Variants in AEBP2 observed in about 807,000 individuals in gnomAD.
The protein encoded by AEBP2 is zinc finger protein AEBP2.
A neutral mutation model predicts 50.8 loss-of-function variants in AEBP2; 10 were observed. The ratio of observed to expected loss-of-function variants is 0.20; its 90% CI spans 0.12 to 0.33. AEBP2 has a LOEUF of 0.33. Among genes scored for constraint, AEBP2 ranks in the 10% least tolerant of loss-of-function variants. AEBP2 has a pLI of 1.00. For synonymous variants in AEBP2, 296 were observed against 261.3 expected (o/e 1.13, Z -1.28); for missense variants, 570 against 688.0 (o/e 0.83, Z 1.92).
chr12:19,449,537 T>C (rs1317187713), intron 1 of AEBP2, among the ~76,000 whole-genome samples: 1 of 152,250 alleles, frequency 6.6e-6, no homozygotes, highest in African/African-American at 2.4e-5. Flanking sequence ...ATAGACTATA[T>C]TTCATCATTG....
At chr12:19,468,921 C>CA (rs1210240187) in intron 2 of AEBP2, among the ~76,000 whole-genome samples, 1 of 152,088 alleles carries the variant, frequency 6.6e-6, no homozygotes, top group Non-Finnish European at 1.5e-5. Flanking sequence ...TTTAGCAGTC[C>CA]AAAAATATAT....
At chr12:19,487,756 T>C (rs1948832546) in intron 3 of AEBP2, among the ~76,000 whole-genome samples, 1 of 152,016 alleles carries the variant, frequency 6.6e-6, no homozygotes, top group African/African-American at 2.4e-5. Flanking sequence ...AAAGGGAGCA[T>C]TTAAAAAAGT....
At chr12:19,471,599 T>C (rs934476871) in intron 2 of AEBP2, among the ~76,000 whole-genome samples, 2 of 152,090 alleles carry the variant, frequency 1.3e-5, no homozygotes, top group East Asian at 3.9e-4. Flanking sequence ...TCTCTTGGAC[T>C]TAAGCAATCA....
At chr12:19,440,509 A>C in intron 1 of AEBP2, 139 bp downstream of exon 1, 2 of 1,398,022 alleles carry the variant, frequency 1.4e-6, no homozygotes, top group Non-Finnish European at 1.9e-6. Context: ...TCAACTCGGA[A>C]ATCTCTCGCC....
At chr12:19,432,306 T>C (rs978333853) in intron 1 of AEBP2, among the ~76,000 whole-genome samples, 1 of 152,120 alleles carries the variant, frequency 6.6e-6, no homozygotes, top group Non-Finnish European at 1.5e-5. Context: ...AAAAACCATA[T>C]GATATTGGGC....
At chr12:19,408,051 CAA>C (rs111495452) in intron 1 of AEBP2, among the ~76,000 whole-genome samples, 7 of 138,196 alleles carry the variant, frequency 5.1e-5, no homozygotes, top group Admixed American at 7.3e-5. Context: ...AACTCTGTCT[CAA>C]AAAAAAAAAA....
intron 6 of AEBP2, among the ~76,000 whole-genome samples, 171 bp downstream of exon 6, chr12:19,512,636 C>T (rs1439257284): frequency 6.6e-6 from 1 of 151,536 alleles, no homozygotes; most frequent in Non-Finnish European, 1.5e-5. Context: ...CTATCAGGTT[C>T]ACGTTTTACG....
intron 2 of AEBP2, among the ~76,000 whole-genome samples, chr12:19,471,782 C>T (rs1167338330): frequency 3.3e-5 from 5 of 152,008 alleles, no homozygotes; most frequent in East Asian, 1.9e-4. Flanking sequence ...CCCCCTACCT[C>T]GGTCTCCCAA....
chr12:19,502,766 A>AGC (rs1262518182), intron 5 of AEBP2, among the ~76,000 whole-genome samples: 2 of 151,528 alleles, frequency 1.3e-5, no homozygotes, highest in African/African-American at 4.8e-5. Flanking sequence ...CTTGTGCCTC[A>AGC]GCCTCCCAAG....
At chr12:19,457,233 C>G in intron 1 of AEBP2, 2 of 1,598,224 alleles carry the variant, frequency 1.3e-6, no homozygotes. Context: ...GGGCATGCTC[C>G]TAGGTTTGTC....
chr12:19,470,016 A>C (rs1357283126), intron 2 of AEBP2, among the ~76,000 whole-genome samples: 1 of 152,144 alleles, frequency 6.6e-6, no homozygotes. Context: ...TGTTTTTCAG[A>C]TATTATACGT....
At chr12:19,491,349 A>T (rs987982457) in intron 3 of AEBP2, among the ~76,000 whole-genome samples, 1 of 152,172 alleles carries the variant, frequency 6.6e-6, no homozygotes. Context: ...TTTCAGAGCA[A>T]TGAATATGGC....
At chr12:19,500,264 C>CA (rs759265003) in intron 5 of AEBP2, 43 bp downstream of exon 5, 10 of 1,364,672 alleles carry the variant, frequency 7.3e-6, no homozygotes, top group South Asian at 3.3e-5. Flanking sequence ...TAAAACTTTG[C>CA]AAAAAAATAT....
chr12:19,415,394 GCA>G (rs2095741988), intron 1 of AEBP2, among the ~76,000 whole-genome samples: 1 of 120,532 alleles, frequency 8.3e-6, no homozygotes, highest in Non-Finnish European at 1.7e-5. Context: ...ATTAAAAAGT[GCA>G]CAGTCTAGGG....
intron 4 of AEBP2, among the ~76,000 whole-genome samples, chr12:19,498,101 G>A (rs1949014304): frequency 6.6e-6 from 1 of 152,154 alleles, no homozygotes; most frequent in Non-Finnish European, 1.5e-5. Context: ...GAATTTAAGT[G>A]ATGGCTTCAA....
chr12:19,410,215 T>A (rs920818611), intron 1 of AEBP2, among the ~76,000 whole-genome samples: 21 of 152,206 alleles, frequency 1.4e-4, no homozygotes, highest in African/African-American at 4.8e-4. Flanking sequence ...TAATTTACTC[T>A]TATCTGACAG....
At chr12:19,426,229 C>T (rs2095748472) in intron 1 of AEBP2, among the ~76,000 whole-genome samples, 1 of 152,192 alleles carries the variant, frequency 6.6e-6, no homozygotes, top group Non-Finnish European at 1.5e-5. Flanking sequence ...GCCACCGCAG[C>T]CGACCCTATG....
rs200114295 is a variant in AEBP2 at position 19,492,582 on chromosome 12, AAAAC to A, written c.988-1214_988-1211del. Among the ~76,000 whole-genome samples, 1,096 of 152,026 alleles carry A rather than the reference AAAAC, an allele frequency of 7.2e-3. 14 individuals are homozygous for A. The highest frequency in any genetic ancestry group is 0.025 in the African/African-American group (1,031 of 41,544). On this transcript the variant is annotated intron_variant, in intron 3 of 7. Coordinates refer to ENST00000266508, the MANE Select transcript of AEBP2 (RefSeq NM_153207.5). ...TTTATACAAACAAAATATAAATAAA[AAAAC>A]AAAATAAAATAAAAAAAATTTATTT...
chr12:19,472,168 TAAAAATTTTATTTTAGGCTG>T (rs370428246), intron 2 of AEBP2, among the ~76,000 whole-genome samples: 12 of 152,190 alleles, frequency 7.9e-5, no homozygotes, highest in African/African-American at 2.7e-4. Context: ...TCTAGTCTAT[TAAAAATTTTATTTTAGGCTG>T]GCTGAAGAAA....
Sources: allele counts gnomAD v4.1 joint callset (sites outside exome capture counted in the v4.1 genomes callset), GRCh38; gene constraint gnomAD v4.1.1; transcripts MANE v1.5; gene names NCBI Gene and HGNC (gene_info 2026-07-23, HGNC 2026-07-21).